Variants in RAD51B observed in about 807,000 individuals in gnomAD.
RAD51B encodes the protein RAD51 paralog B.
RAD51B carries 38 observed loss-of-function variants against 42.2 expected under a neutral mutation model. The observed-to-expected ratio is 0.90, with a 90% confidence interval of 0.70 to 1.18. The LOEUF (loss-of-function observed/expected upper bound fraction) is 1.18, where lower values mean the gene tolerates loss of function less well. Among genes scored for constraint, RAD51B ranks in the 50% most tolerant of loss-of-function variants. The pLI is 0.00. For missense variants in RAD51B, 373 were observed against 400.7 expected, an observed-to-expected ratio of 0.93 and a Z score of 0.59; for synonymous variants, 154 against 145.2, an observed-to-expected ratio of 1.06 and a Z score of -0.43.
intron 10 of RAD51B, among the ~76,000 whole-genome samples, chr14:68,625,847 C>T (rs1433187333): frequency 1.3e-5 from 2 of 152,152 alleles, no homozygotes; most frequent in East Asian, 1.9e-4. Context: ...CCAGGGCTGC[C>T]CCGCAAGAAG....
At chr14:68,492,757 T>C (rs1293543761) in intron 10 of RAD51B, among the ~76,000 whole-genome samples, 1 of 152,162 alleles carries the variant, frequency 6.6e-6, no homozygotes, top group Non-Finnish European at 1.5e-5. Context: ...AGAAGTGATT[T>C]CATGAAACTG....
intron 7 of RAD51B, among the ~76,000 whole-genome samples, chr14:68,100,078 C>G (rs2077263214): frequency 6.6e-6 from 1 of 152,160 alleles, no homozygotes; most frequent in Non-Finnish European, 1.5e-5. Flanking sequence ...TGATTAGACT[C>G]TTGCCTCATG....
At chr14:67,912,404 C>T (rs2044013952) in intron 7 of RAD51B, among the ~76,000 whole-genome samples, 1 of 151,944 alleles carries the variant, frequency 6.6e-6, no homozygotes, top group Non-Finnish European at 1.5e-5. Context: ...GTCTCTAATC[C>T]CTGTTTTAGA....
At chr14:68,645,813 T>C (rs1892553176) in intron 10 of RAD51B, among the ~76,000 whole-genome samples, 1 of 152,196 alleles carries the variant, frequency 6.6e-6, no homozygotes, top group Non-Finnish European at 1.5e-5. Flanking sequence ...ATTTAGGATT[T>C]TTTTCTTTCA....
chr14:68,334,102 T>G (rs906580992), intron 8 of RAD51B, among the ~76,000 whole-genome samples: 24 of 152,214 alleles, frequency 1.6e-4, no homozygotes, highest in Admixed American at 1.4e-3. Flanking sequence ...TCACAAATGG[T>G]GGAATCTCAT....
chr14:68,112,222 T>C (rs1448615481), intron 7 of RAD51B, among the ~76,000 whole-genome samples: 2 of 152,078 alleles, frequency 1.3e-5, no homozygotes, highest in African/African-American at 2.4e-5. Context: ...TGAGATTTAG[T>C]CTCTGGAGTC....
At chr14:68,303,457 T>TAAAAAAAAAAAAAAAA (rs58955054) in intron 8 of RAD51B, among the ~76,000 whole-genome samples, 1 of 138,738 alleles carries the variant, frequency 7.2e-6, no homozygotes, top group African/African-American at 2.8e-5. Flanking sequence ...TAAAGTATAA[T>TAAAAAAAAAAAAAAAA]AAAAAAAAAA....
At chr14:68,312,318 C>T (rs1050786913) in intron 8 of RAD51B, among the ~76,000 whole-genome samples, 14 of 152,186 alleles carry the variant, frequency 9.2e-5, no homozygotes, top group African/African-American at 3.1e-4. Context: ...GAATGTATAA[C>T]GGATCCACCG....
chr14:68,577,267 G>C (rs941857105), intron 10 of RAD51B, among the ~76,000 whole-genome samples: 1 of 152,130 alleles, frequency 6.6e-6, no homozygotes, highest in African/African-American at 2.4e-5. Flanking sequence ...TGAGTTCATG[G>C]ACACCCAAGG....
At position 68,403,965 on chromosome 14, in the gene RAD51B, G is replaced by C. The variant is rs757520578; in HGVS notation, c.854-7459G>C. The stretch of plus-strand genomic sequence containing the variant: ...AATTATTATTCACATTTTACAGATG[G>C]GTTAGCAATCACAGAAAGAGAACAT... On this transcript the variant is annotated intron_variant, in intron 8 of 10. Transcript: ENST00000471583. 2.0e-5 allele frequency among the ~76,000 whole-genome samples: 3 copies of C among 152,108 alleles called. No individual in the cohort carries two copies. The South Asian group carries it at 6.2e-4, about 32-fold the overall frequency.
chr14:68,158,625 G>A (rs545487360), intron 7 of RAD51B, among the ~76,000 whole-genome samples: 5 of 152,276 alleles, frequency 3.3e-5, no homozygotes, highest in Admixed American at 6.5e-5. Context: ...TAGAGGATAA[G>A]TCCATTTCAT....
At chr14:68,657,593 G>A (rs145217334) in intron 11 of RAD51B, among the ~76,000 whole-genome samples, 445 of 152,292 alleles carry the variant, frequency 2.9e-3, no homozygotes, top group Middle Eastern at 0.01. Context: ...CTGCTGCCTC[G>A]GCCCCTGCAG....
At chr14:68,523,648 G>T (rs1446008333) in intron 10 of RAD51B, among the ~76,000 whole-genome samples, 1 of 152,138 alleles carries the variant, frequency 6.6e-6, no homozygotes, top group African/African-American at 2.4e-5. Flanking sequence ...TCAACAGTGG[G>T]CTTTGATGTC....
intron 5 of RAD51B, among the ~76,000 whole-genome samples, chr14:67,873,967 T>C (rs911101939): frequency 4.0e-5 from 6 of 149,248 alleles, no homozygotes; most frequent in Admixed American, 6.7e-5. Flanking sequence ...AGGGATAGCA[T>C]TGGGAGATAT....
chr14:68,137,603 A>G (rs1205968688), intron 7 of RAD51B, among the ~76,000 whole-genome samples: 1 of 152,198 alleles, frequency 6.6e-6, no homozygotes, highest in African/African-American at 2.4e-5. Context: ...TATAAACAAT[A>G]TTATGATGAA....
intron 7 of RAD51B, among the ~76,000 whole-genome samples, chr14:68,007,967 C>A (rs190258914): frequency 1.3e-5 from 2 of 151,568 alleles, no homozygotes; most frequent in Admixed American, 1.3e-4. Flanking sequence ...GACTTTTTTG[C>A]GTATTATATT....
chr14:68,545,519 T>C (rs1212550366), intron 10 of RAD51B: 2 of 455,918 alleles, frequency 4.4e-6, no homozygotes, highest in Admixed American at 4.7e-5. Flanking sequence ...CTTAACTGTC[T>C]AGCAGGAAAG....
chr14:68,327,750 T>C (rs569281654), intron 8 of RAD51B, among the ~76,000 whole-genome samples: 11 of 152,222 alleles, frequency 7.2e-5, no homozygotes, highest in African/African-American at 2.6e-4. Flanking sequence ...ATAATATTCA[T>C]AAATTAAAGT....
chr14:68,291,808 A>G, intron 7 of RAD51B, 76 bp from the exon 8 acceptor site: 3 of 1,121,522 alleles, frequency 2.7e-6, no homozygotes, highest in East Asian at 2.4e-5. Flanking sequence ...GCCTTTTGAT[A>G]GCTCTAATAA....
Sources: gnomAD v4.1 joint callset for allele counts (sites outside exome capture counted in the v4.1 genomes callset) on GRCh38, gnomAD v4.1.1 for gene constraint, MANE v1.5 for transcripts, NCBI Gene and HGNC (gene_info 2026-07-23, HGNC 2026-07-21) for gene names.